SETD2: variants seen among roughly 807,000 people sequenced by gnomAD.
The protein encoded by SETD2 is SET domain containing 2, histone lysine methyltransferase.
SETD2 carries 31 observed loss-of-function variants against 242.1 expected under a neutral mutation model. The ratio of observed to expected loss-of-function variants is 0.13; its 90% CI spans 0.10 to 0.17. The LOEUF (loss-of-function observed/expected upper bound fraction) is 0.17. Among genes scored for constraint, SETD2 ranks in the 10% least tolerant of loss-of-function variants. SETD2 has a pLI of 1.00. For synonymous variants in SETD2, 1,006 were observed against 1,066.5 expected (o/e 0.94, Z 1.11); for missense variants, 2,481 against 3,046.3 (o/e 0.81, Z 4.37).
rs2107540014 is a variant in SETD2 at position 47,042,676 on chromosome 3, G to T, written c.7123C>A (p.Leu2375Ile). 1 of 1,609,262 alleles carries T rather than the reference G, an allele frequency of 6.2e-7. No homozygotes were observed. The highest frequency in any genetic ancestry group is 8.5e-7 in the Non-Finnish European group (1 of 1,178,212). The stretch of plus-strand genomic sequence containing the variant: ...GGAGAGGGGGGCGGCAGATCCAAGA[G>T]ATTATTTGTCACAACCATTTCAGAC... ...QPSEMVVTNNLLDLPPPSPPK... is the reference protein window; with the variant it reads ...QPSEMVVTNNILDLPPPSPPK... Residue 2375 changes from leucine (L) to isoleucine (I), a missense_variant, in exon 17 of 21, where the codon CTC becomes ATC. This residue lies in a region of SETD2 where 235 missense variants were observed against 293.9 expected (regional missense o/e 0.80). Coordinates refer to ENST00000409792, the MANE Select transcript of SETD2 (RefSeq NM_014159.7).
intron 18 of SETD2, among the ~76,000 whole-genome samples, chr3:47,020,890 AG>A (rs2038188653): frequency 6.6e-6 from 1 of 152,200 alleles, no homozygotes; most frequent in Non-Finnish European, 1.5e-5. Flanking sequence ...CTCCAGAGAA[AG>A]GTGGCACTCC....
At chr3:47,033,443 G>A (rs2038864881) in intron 18 of SETD2, among the ~76,000 whole-genome samples, 1 of 152,136 alleles carries the variant, frequency 6.6e-6, no homozygotes, top group Admixed American at 6.5e-5. Context: ...TGTAGGCAGG[G>A]ACAGGCTTGA....
intron 12 of SETD2, among the ~76,000 whole-genome samples, chr3:47,071,037 A>G (rs1398775521): frequency 6.6e-6 from 1 of 152,158 alleles, no homozygotes; most frequent in Admixed American, 6.5e-5. Flanking sequence ...TGGTGTGATC[A>G]TAGCTCACTG....
intron 5 of SETD2, among the ~76,000 whole-genome samples, chr3:47,109,766 A>T (rs971719825): frequency 2.6e-5 from 4 of 152,132 alleles, no homozygotes; most frequent in Non-Finnish European, 4.4e-5. Context: ...CAGGCGGATC[A>T]CCTGTAGTCA....
chr3:47,080,923 A>T, intron 12 of SETD2: 1 of 986,876 alleles, frequency 1.0e-6, no homozygotes, highest in South Asian at 4.7e-5. Context: ...CACCTATTAT[A>T]TTTTTCATGC....
At chr3:47,042,770 C>T (rs2039340915) in intron 16 of SETD2, 70 bp from the exon 17 acceptor site, 2 of 1,364,388 alleles carry the variant, frequency 1.5e-6, no homozygotes, top group Middle Eastern at 1.9e-4. Context: ...GACAAAATAG[C>T]CCACTTAAAT....
chr3:47,018,067 A>G (rs1166754672), intron 19 of SETD2, among the ~76,000 whole-genome samples: 1 of 152,190 alleles, frequency 6.6e-6, no homozygotes, highest in Non-Finnish European at 1.5e-5. Context: ...CTTGGCATAA[A>G]GACAGTAGCT....
chr3:47,031,193 C>A lies in SETD2; in HGVS notation c.7350+6473G>T, dbSNP rs147131610. 1.7e-4 allele frequency among the ~76,000 whole-genome samples: 26 copies of A among 152,284 alleles called. No individual in the cohort carries two copies. The East Asian group carries it at 4.8e-3, about 28-fold the overall frequency. On this transcript the variant is annotated intron_variant, in intron 18 of 20. Transcript: ENST00000409792. ...ATGATGCTATATAGATGACACGATA[C>A]CTTTGTTAAAACCCACAAATGTACA... is the stretch of plus-strand genomic sequence containing the variant.
At chr3:47,037,621 C>G (rs1389331092) in intron 18 of SETD2, 45 bp downstream of exon 18, 1 of 1,446,256 alleles carries the variant, frequency 6.9e-7, no homozygotes, top group Admixed American at 1.7e-5. Flanking sequence ...TGGTCTTGGA[C>G]GGACTCCCAA....
intron 12 of SETD2, among the ~76,000 whole-genome samples, chr3:47,075,185 G>A (rs2041004014): frequency 6.6e-6 from 1 of 150,916 alleles, no homozygotes; most frequent in African/African-American, 2.4e-5. Context: ...AAAGATACTT[G>A]AACAAAACAC....
At position 47,057,035 on chromosome 3, in the gene SETD2, T is replaced by C; in HGVS notation, c.6749A>G (p.Gln2250Arg). The C allele has an allele frequency of 6.2e-7, 1 of 1,614,260 alleles. No individual in the cohort carries two copies. Among genetic ancestry groups the C allele is most frequent in the Non-Finnish European group, 8.5e-7 (1 of 1,180,046 alleles). ...YVAQSDGVVH[Q>R]DSSVAVLPVP... Reference sequence around the variant, plus strand: ...TGGCAAGACAGCAACGCTGGAGTCTTGGTGTACTACACCATCACTCTGGGC... The same window carrying C: ...TGGCAAGACAGCAACGCTGGAGTCTCGGTGTACTACACCATCACTCTGGGC... Residue 2250 changes from glutamine to arginine, a missense_variant, in exon 15 of 21, where the codon CAA becomes CGA. By Grantham distance (43) the Gln-to-Arg change is conservative (BLOSUM62 1). Coordinates refer to ENST00000409792, the MANE Select transcript of SETD2 (RefSeq NM_014159.7).
intron 1 of SETD2, among the ~76,000 whole-genome samples, chr3:47,155,474 G>A (rs929698658): frequency 4.6e-5 from 7 of 152,198 alleles, no homozygotes; most frequent in Non-Finnish European, 8.8e-5. Flanking sequence ...AATTCACTGT[G>A]CTATTCTTGC....
Position 47,056,263 on chromosome 3 carries a change from T to A in SETD2, c.6963+558A>T, listed in dbSNP as rs2040078311. ...CCTCAGCCTACCAAGTAGCTGGGAT[T>A]ACAGGCATGAGCCACCATGGCCGGC... On this transcript the variant is annotated intron_variant, in intron 15 of 20. Coordinates refer to ENST00000409792, the MANE Select transcript of SETD2 (RefSeq NM_014159.7). 2.0e-5 allele frequency among the ~76,000 whole-genome samples: 3 copies of A among 151,768 alleles called. No individual in the cohort carries two copies. In the South Asian group the frequency reaches 6.2e-4, roughly 32 times the overall value.
At chr3:47,059,980 T>G (rs1382774157) in intron 14 of SETD2, among the ~76,000 whole-genome samples, 1 of 152,172 alleles carries the variant, frequency 6.6e-6, no homozygotes, top group Non-Finnish European at 1.5e-5. Flanking sequence ...AGACGGGGTT[T>G]CACCATGTTG....
chr3:47,041,487 C>T (rs1390760382), intron 17 of SETD2: 1 of 203,040 alleles, frequency 4.9e-6, no homozygotes, highest in East Asian at 1.6e-4. Context: ...TCTGTCTCTA[C>T]AAAAAAAAGA....
chr3:47,084,490 T>G (rs2041463129), intron 11 of SETD2, 108 bp from the exon 12 acceptor site: 2 of 744,816 alleles, frequency 2.7e-6, no homozygotes, highest in East Asian at 5.4e-5. Context: ...AATGGCATGA[T>G]CTTGGCTCAC....
In SETD2 at chr3:47,057,296, G is replaced by A. The variant is rs1204908942; in HGVS notation, c.6488C>T (p.Pro2163Leu). 1 of 1,614,176 alleles carries A rather than the reference G, an allele frequency of 6.2e-7. No individual in the cohort carries two copies. Among genetic ancestry groups the A allele is most frequent in the Admixed American group, 1.7e-5 (1 of 60,024 alleles). The change falls in exon 15 of 21, where the codon CCC becomes CTC. Residue 2163 changes from proline to leucine, a missense_variant. By Grantham distance (98) the Pro-to-Leu change is moderately conservative (BLOSUM62 -3). Around this residue, in one of 17 missense-constraint regions of SETD2, gnomAD observed 45 missense variants for 62.8 expected, o/e 0.72. Coordinates refer to ENST00000409792, the MANE Select transcript of SETD2 (RefSeq NM_014159.7). ...DSLGYNAPHH[P>L]FAGYPPGYPM... ...ATAACCTGGTGGGTAACCAGCAAAGGGATGATGCGGGGCATTATAACCAAG... is the reference window on the plus strand; with the variant it reads ...ATAACCTGGTGGGTAACCAGCAAAGAGATGATGCGGGGCATTATAACCAAG...
chr3:47,067,165 G>A, intron 12 of SETD2, 47 bp from the exon 13 acceptor site: 2 of 1,391,208 alleles, frequency 1.4e-6, no homozygotes, highest in African/African-American at 1.4e-5. Context: ...GGGTGGAAAT[G>A]GTGATTGCTT....
intron 11 of SETD2, among the ~76,000 whole-genome samples, chr3:47,085,037 T>C (rs1475805934): frequency 6.6e-6 from 1 of 152,084 alleles, no homozygotes; most frequent in East Asian, 1.9e-4. Context: ...TGGCCTACAG[T>C]TGACTTTTTC....
Sources: allele counts gnomAD v4.1 joint callset (sites outside exome capture counted in the v4.1 genomes callset), GRCh38; gene constraint gnomAD v4.1.1; regional missense constraint gnomAD v4.1.1; transcripts MANE v1.5; gene names NCBI Gene and HGNC (gene_info 2026-07-23, HGNC 2026-07-21).